Variants in EYS observed in about 807,000 individuals in gnomAD.
EYS encodes the protein EGF-like photoreceptor maintenance factor, also known as protein eyes shut homolog.
A neutral mutation model predicts 282.1 loss-of-function variants in EYS; 250 were observed. The ratio of observed to expected loss-of-function variants is 0.89; its 90% CI spans 0.80 to 0.98. The LOEUF (loss-of-function observed/expected upper bound fraction) is 0.98, where lower values mean the gene tolerates loss of function less well. Among genes scored for constraint, EYS ranks in the 50% least tolerant of loss-of-function variants. The probability of loss-of-function intolerance (pLI) is 0.00; values close to 1 mark genes in which losing one functional copy is unlikely to be tolerated. For synonymous variants in EYS, 1,355 were observed against 1,282.9 expected, an observed-to-expected ratio of 1.06 and a Z score of -1.20; for missense variants, 4,016 against 3,709.0, an observed-to-expected ratio of 1.08 and a Z score of -2.15.
chr6:65,374,618 A>C (rs1038278657), intron 8 of EYS, among the ~76,000 whole-genome samples: 1 of 151,474 alleles, frequency 6.6e-6, no homozygotes, highest in Non-Finnish European at 1.5e-5. Context: ...AGCTGGTCCC[A>C]CTCCCTTAAG....
At chr6:65,333,158 T>A (rs568763675) in intron 11 of EYS, among the ~76,000 whole-genome samples, 4 of 151,504 alleles carry the variant, frequency 2.6e-5, no homozygotes, top group African/African-American at 9.7e-5. Context: ...GTTGTGGAAG[T>A]TTAGGCTATT....
intron 26 of EYS, among the ~76,000 whole-genome samples, chr6:64,442,815 T>C (rs1157749328): frequency 7.1e-6 from 1 of 141,568 alleles, no homozygotes; most frequent in Non-Finnish European, 1.6e-5. Context: ...TTTCAGAAGA[T>C]ATATGGAAAC....
intron 14 of EYS, among the ~76,000 whole-genome samples, chr6:64,947,087 G>C (rs989339063): frequency 6.6e-6 from 1 of 151,706 alleles, no homozygotes; most frequent in Non-Finnish European, 1.5e-5. Flanking sequence ...ATTACAGAAC[G>C]CATCTTAGTT....
chr6:64,350,594 C>T (rs1279169023), intron 29 of EYS, among the ~76,000 whole-genome samples: 2 of 151,494 alleles, frequency 1.3e-5, no homozygotes, highest in African/African-American at 4.8e-5. Context: ...TCAAGTCTCT[C>T]GTTATCTGTT....
intron 2 of EYS, among the ~76,000 whole-genome samples, chr6:65,526,854 G>T (rs1016712544): frequency 6.6e-6 from 1 of 152,074 alleles, no homozygotes; most frequent in East Asian, 1.9e-4. Context: ...GAGTGGAATC[G>T]AAATAACGAG....
At chr6:65,143,407 G>GA (rs1452767200) in intron 12 of EYS, among the ~76,000 whole-genome samples, 61 of 151,448 alleles carry the variant, frequency 4.0e-4, no homozygotes, top group Non-Finnish European at 2.1e-4. Flanking sequence ...AAAGAGGCCA[G>GA]AAAAAACCTC....
intron 39 of EYS, chr6:63,787,199 G>A (rs2149669790): frequency 6.6e-6 from 1 of 152,352 alleles, no homozygotes; most frequent in East Asian, 1.9e-4. Flanking sequence ...CTCTGTGTGT[G>A]CTGATCTCAT....
rs2149832192 is a variant in EYS, at chr6:64,591,505, G to C, written c.4362C>G (p.Ser1454=). 1 of 1,551,256 alleles carries C rather than the reference G, an allele frequency of 6.4e-7. No homozygotes were observed. Among genetic ancestry groups the C allele is most frequent in the Middle Eastern group, 1.7e-4 (1 of 5,990 alleles). The change falls in exon 26 of 43, where the codon TCC becomes TCG. Residue 1454 remains serine, a synonymous_variant. Transcript: ENST00000503581. ...LSRGFLLIAA[S]ISATPVVSRG... ...TAGAGACAACTGGAGTTGCACTTAT[G>C]GAGGCAGCTATAAGCAGGAATCCAC...
intron 6 of EYS, among the ~76,000 whole-genome samples, 199 bp from the exon 7 acceptor site, chr6:65,402,804 A>C (rs1004770698): frequency 1.3e-5 from 2 of 152,056 alleles, no homozygotes; most frequent in African/African-American, 4.8e-5. Flanking sequence ...GCTATGTGAA[A>C]TCAAAGCTCC....
rs536006954 is a variant in EYS, at chr6:63,881,171, TG to T, written c.7056-16814del. ...ATGGGCTAGATAAGATTTCACTATT[TG>T]GGGGGATCGTTTTAAGCTTCTTTTC... On this transcript the variant is annotated intron_variant, in intron 35 of 42. Coordinates refer to ENST00000503581, the MANE Select transcript of EYS (RefSeq NM_001142800.2). 2.3e-3 allele frequency among the ~76,000 whole-genome samples: 346 copies of T among 152,290 alleles called. 1 individual carries two copies. Among genetic ancestry groups the T allele is most frequent in the African/African-American group, 8.1e-3 (335 of 41,560 alleles).
At chr6:63,968,172 A>AT (rs1174040125) in intron 35 of EYS, among the ~76,000 whole-genome samples, 1 of 152,160 alleles carries the variant, frequency 6.6e-6, no homozygotes. Context: ...CTTTGGGGCT[A>AT]TTTTAATTTG....
At chr6:64,837,595 GAT>G (rs1765423277) in intron 19 of EYS, among the ~76,000 whole-genome samples, 1 of 147,304 alleles carries the variant, frequency 6.8e-6, no homozygotes, top group East Asian at 2.0e-4. Context: ...GTATATGATA[GAT>G]ATATGATATA....
At chr6:64,594,386 G>T (rs1056674937) in intron 24 of EYS, among the ~76,000 whole-genome samples, 4 of 151,894 alleles carry the variant, frequency 2.6e-5, no homozygotes, top group African/African-American at 9.7e-5. Context: ...TAATCCTTTG[G>T]GTATATACTC....
intron 22 of EYS, among the ~76,000 whole-genome samples, chr6:64,772,384 G>A (rs1679430024): frequency 6.6e-6 from 1 of 151,642 alleles, no homozygotes; most frequent in Admixed American, 6.6e-5. Context: ...TAGTTACATA[G>A]TTTTTGTATA....
At chr6:65,565,341 GA>G (rs1458908179) in intron 2 of EYS, among the ~76,000 whole-genome samples, 1 of 147,922 alleles carries the variant, frequency 6.8e-6, no homozygotes, top group Non-Finnish European at 1.5e-5. Context: ...ACAAACATAT[GA>G]AAAAAAGCTC....
chr6:65,118,084 G>T (rs192604524), intron 12 of EYS, among the ~76,000 whole-genome samples: 1 of 152,294 alleles, frequency 6.6e-6, no homozygotes, highest in African/African-American at 2.4e-5. Context: ...GGCTGGGAAG[G>T]TCTCTCTAGA....
chr6:65,020,962 C>T (rs753201362), intron 13 of EYS, among the ~76,000 whole-genome samples: 1 of 152,116 alleles, frequency 6.6e-6, no homozygotes, highest in Non-Finnish European at 1.5e-5. Flanking sequence ...GGATGCAGGG[C>T]ACCAAGTCCC....
intron 41 of EYS, among the ~76,000 whole-genome samples, chr6:63,738,358 C>T (rs1331482009): frequency 6.6e-6 from 1 of 151,896 alleles, no homozygotes; most frequent in Non-Finnish European, 1.5e-5. Flanking sequence ...CAATGATAGA[C>T]TGGATTAAGA....
At chr6:65,037,727 C>T (rs1772811699) in intron 13 of EYS, among the ~76,000 whole-genome samples, 1 of 151,654 alleles carries the variant, frequency 6.6e-6, no homozygotes, top group African/African-American at 2.4e-5. Flanking sequence ...CATAAATTTT[C>T]AACTGTGTAG....
Sources: allele counts gnomAD v4.1 joint callset (sites outside exome capture counted in the v4.1 genomes callset), GRCh38; gene constraint gnomAD v4.1.1; transcripts MANE v1.5; gene names NCBI Gene and HGNC (gene_info 2026-07-23, HGNC 2026-07-21).